The following SPTAN1 variants were observed in gnomAD, a reference collection of about 807,000 sequenced individuals.
The protein encoded by SPTAN1 is spectrin alpha, non-erythrocytic 1, also known as spectrin alpha chain, non-erythrocytic 1.
SPTAN1 carries 61 observed loss-of-function variants against 331.3 expected under a neutral mutation model. The ratio of observed to expected loss-of-function variants is 0.18; its 90% confidence interval spans 0.15 to 0.23. The LOEUF (loss-of-function observed/expected upper bound fraction) is 0.23. SPTAN1 is among the 10% of genes least tolerant of loss of function. SPTAN1 has a pLI of 1.00. For synonymous variants in SPTAN1, 1,153 were observed against 1,173.9 expected (o/e 0.98, Z 0.36); for missense variants, 2,043 against 3,147.9 (o/e 0.65, Z 8.40).
In SPTAN1 at chr9:128,624,511, G is replaced by A. The variant is rs777123766; in HGVS notation, c.5992+24G>A. The A allele has an allele frequency of 5.6e-6, 9 of 1,611,476 alleles. No individual in the cohort carries two copies. The South Asian group carries it at 7.7e-5, about 14-fold the overall frequency. On this transcript the variant is annotated intron_variant, in intron 46 of 56. Coordinates refer to ENST00000372739, the MANE Select transcript of SPTAN1 (RefSeq NM_001130438.3). ...CGGTGAGCACTGTCAGCAAGGCCCGGAAGAGCCTTCCCAGAGCTGCTCTTT... is the reference window on the plus strand; with the variant it reads ...CGGTGAGCACTGTCAGCAAGGCCCGAAAGAGCCTTCCCAGAGCTGCTCTTT...
chr9:128,630,157 G>A (rs771649957), intron 51 of SPTAN1, 164 bp from the exon 52 acceptor site: 25 of 807,448 alleles, frequency 3.1e-5, no homozygotes, highest in South Asian at 5.4e-5. Flanking sequence ...GCCATCCCTC[G>A]ATCCCTGGGG....
chr9:128,572,406 A>G (rs1336670394), intron 3 of SPTAN1, among the ~76,000 whole-genome samples: 1 of 152,200 alleles, frequency 6.6e-6, no homozygotes, highest in Non-Finnish European at 1.5e-5. Flanking sequence ...TCTAACCTGC[A>G]GTATTTACAA....
chr9:128,622,909 C>T (rs547921727), intron 45 of SPTAN1, among the ~76,000 whole-genome samples: 144 of 151,592 alleles, frequency 9.5e-4, no homozygotes, highest in Non-Finnish European at 1.1e-3. Context: ...CCTGCCACCA[C>T]GCCCAGCTAA....
chr9:128,632,070 G>A, intron 52 of SPTAN1, 57 bp from the exon 53 acceptor site: 1 of 1,584,330 alleles, frequency 6.3e-7, no homozygotes, highest in Non-Finnish European at 8.6e-7. Context: ...GTGGCTCCTG[G>A]GCTGGTGACT....
rs190190098 is a variant in SPTAN1, at chr9:128,606,099, C to T, written c.4046+622C>T. Among the ~76,000 whole-genome samples the T allele has an allele frequency of 2.1e-3, 320 of 151,984 alleles. 1 individual carries two copies. The highest frequency in any genetic ancestry group is 3.8e-3 in the Non-Finnish European group (257 of 67,992). On this transcript the variant is annotated intron_variant, in intron 31 of 56. Coordinates refer to ENST00000372739, the MANE Select transcript of SPTAN1 (RefSeq NM_001130438.3). Reference sequence around the variant, plus strand: ...AAAAATAAGTCTCTGCAGCCGGGCACGGTGGCTCACGCCTGTAATCCCAGC... The same window carrying T: ...AAAAATAAGTCTCTGCAGCCGGGCATGGTGGCTCACGCCTGTAATCCCAGC...
At chr9:128,567,891 G>T (rs896762274) in intron 2 of SPTAN1, among the ~76,000 whole-genome samples, 2 of 151,990 alleles carry the variant, frequency 1.3e-5, no homozygotes, top group African/African-American at 4.8e-5. Context: ...CTCCCGAGTA[G>T]CTGGGAATGT....
chr9:128,570,707 A>G (rs370827330), intron 3 of SPTAN1, among the ~76,000 whole-genome samples: 2 of 151,034 alleles, frequency 1.3e-5, no homozygotes, highest in East Asian at 3.9e-4. Flanking sequence ...CCCCGGCTGG[A>G]GTGGAATGGC....
intron 43 of SPTAN1, among the ~76,000 whole-genome samples, chr9:128,618,609 G>A (rs1022367734): frequency 7.9e-5 from 12 of 151,932 alleles, no homozygotes; most frequent in Admixed American, 2.0e-4. Flanking sequence ...TCAGCCTCCC[G>A]AGTAGCTGGG....
intron 30 of SPTAN1, 34 bp downstream of exon 30, chr9:128,605,212 T>C (rs1045587742): frequency 4.3e-6 from 7 of 1,613,908 alleles, no homozygotes; most frequent in Non-Finnish European, 5.9e-6. Context: ...CTGTCTGGCA[T>C]TTTTGCCCCA....
chr9:128,584,106 T>C, intron 16 of SPTAN1, 137 bp downstream of exon 16: 1 of 1,433,242 alleles, frequency 7.0e-7, no homozygotes, highest in Non-Finnish European at 9.6e-7. Flanking sequence ...CTGTGCTGCA[T>C]GTGCTTCTGC....
chr9:128,556,134 T>C (rs1848614161), intron 1 of SPTAN1, among the ~76,000 whole-genome samples: 1 of 151,996 alleles, frequency 6.6e-6, no homozygotes, highest in Admixed American at 6.6e-5. Context: ...GGCAGGAGAA[T>C]CGCTTTAACC....
chr9:128,557,249 A>G (rs910103725), intron 1 of SPTAN1, among the ~76,000 whole-genome samples: 5 of 152,218 alleles, frequency 3.3e-5, no homozygotes, highest in African/African-American at 7.2e-5. Context: ...TAGTATTCCA[A>G]ATGTCTCTTA....
At chr9:128,576,770 T>C (rs1264606621) in intron 5 of SPTAN1, 53 bp from the exon 6 acceptor site, 2 of 1,607,442 alleles carry the variant, frequency 1.2e-6, no homozygotes, top group Non-Finnish European at 1.7e-6. Flanking sequence ...GGGTAACTAG[T>C]TGGAGGAGCC....
At chr9:128,620,474 T>C (rs980200328) in intron 44 of SPTAN1, among the ~76,000 whole-genome samples, 1 of 152,148 alleles carries the variant, frequency 6.6e-6, no homozygotes, top group Admixed American at 6.5e-5. Context: ...CCCAGCACTT[T>C]GGGAGGCCAA....
chr9:128,584,987 A>G, intron 18 of SPTAN1, 144 bp downstream of exon 18: 1 of 923,526 alleles, frequency 1.1e-6, no homozygotes, highest in Non-Finnish European at 1.7e-6. Flanking sequence ...TGACCTGACC[A>G]GACCTTACCC....
At chr9:128,582,402 C>A (rs1852053076) in intron 12 of SPTAN1, 77 bp from the exon 13 acceptor site, 4 of 1,244,930 alleles carry the variant, frequency 3.2e-6, no homozygotes, top group Non-Finnish European at 3.5e-6. Context: ...ATGATCTGTT[C>A]AGCAGTTACT....
intron 42 of SPTAN1, 98 bp from the exon 43 acceptor site, chr9:128,617,889 A>C: frequency 6.2e-7 from 1 of 1,612,742 alleles, no homozygotes; most frequent in Non-Finnish European, 8.5e-7. Context: ...AAACCTGGAG[A>C]AGTCCCAAAC....
At chr9:128,570,326 ATATATTTTTTTTTTTT>A (rs1326318441) in intron 3 of SPTAN1, among the ~76,000 whole-genome samples, 1 of 43,130 alleles carries the variant, frequency 2.3e-5, no homozygotes, top group Non-Finnish European at 4.1e-5. Context: ...ATATATATAT[ATATATTTTTTTTTTTT>A]TTTTTTTTTT....
chr9:128,556,788 C>G (rs1848684945), intron 1 of SPTAN1, among the ~76,000 whole-genome samples: 1 of 152,170 alleles, frequency 6.6e-6, no homozygotes. Context: ...GTTCAGTCAT[C>G]CTTTATGTAT....
Sources: allele counts gnomAD v4.1 joint callset (sites outside exome capture counted in the v4.1 genomes callset), GRCh38; gene constraint gnomAD v4.1.1; transcripts MANE v1.5; gene names NCBI Gene and HGNC (gene_info 2026-07-23, HGNC 2026-07-21).